PPP3CA: variants seen among roughly 807,000 people sequenced by gnomAD.
The protein encoded by PPP3CA is protein phosphatase 3 catalytic subunit alpha.
A neutral mutation model predicts 66.5 loss-of-function variants in PPP3CA; 14 were observed. The observed-to-expected ratio is 0.21, with a 90% CI of 0.14 to 0.33. The LOEUF is 0.33. PPP3CA is among the 10% of genes least tolerant of loss of function. The pLI is 1.00. For synonymous variants in PPP3CA, 232 were observed against 226.2 expected (o/e 1.03, Z -0.23); for missense variants, 317 against 639.5 (o/e 0.50, Z 5.44).
chr4:101,072,039 T>C (rs923013860), intron 8 of PPP3CA, among the ~76,000 whole-genome samples: 12 of 152,194 alleles, frequency 7.9e-5, no homozygotes, highest in African/African-American at 2.7e-4. Flanking sequence ...AAAACTAACC[T>C]ATTTACAAAG....
intron 2 of PPP3CA, among the ~76,000 whole-genome samples, chr4:101,194,187 C>T (rs559160154): frequency 6.6e-6 from 1 of 151,964 alleles, no homozygotes; most frequent in South Asian, 2.1e-4. Flanking sequence ...TTCTGAATTA[C>T]AAATAAGAAA....
intron 1 of PPP3CA, among the ~76,000 whole-genome samples, chr4:101,210,023 G>A (rs767845969): frequency 1.1e-4 from 17 of 152,074 alleles, no homozygotes; most frequent in South Asian, 2.1e-4. Context: ...AAATTTCATC[G>A]CAATTTTATG....
chr4:101,346,645 T>A, intron 1 of PPP3CA, 94 bp downstream of exon 1: 1 of 1,063,514 alleles, frequency 9.4e-7, no homozygotes, highest in East Asian at 2.7e-5. Flanking sequence ...GAGGAGAACC[T>A]GGGGCGGGGG....
chr4:101,146,610 T>G (rs1722978021), intron 2 of PPP3CA, among the ~76,000 whole-genome samples: 1 of 151,930 alleles, frequency 6.6e-6, no homozygotes, highest in South Asian at 2.1e-4. Flanking sequence ...GCCAGGCTAA[T>G]TTTTGTACTT....
At chr4:101,106,382 AAAG>A (rs1560604690) in intron 3 of PPP3CA, among the ~76,000 whole-genome samples, 164 of 4,042 alleles carry the variant, frequency 0.041, 2 homozygotes, top group African/African-American at 0.096. Flanking sequence ...GAAAAGAAAG[AAAG>A]AAAGAAAGAA....
chr4:101,066,348 T>C (rs1728679955), intron 8 of PPP3CA, among the ~76,000 whole-genome samples: 1 of 152,162 alleles, frequency 6.6e-6, no homozygotes, highest in Admixed American at 6.6e-5. Context: ...AGGTACTTAA[T>C]ATCTTTAAGT....
intron 8 of PPP3CA, among the ~76,000 whole-genome samples, chr4:101,070,184 T>TA (rs1450713361): frequency 3.3e-5 from 5 of 152,148 alleles, no homozygotes; most frequent in Admixed American, 1.3e-4. Context: ...CCCTTTTTTT[T>TA]ATAGTGTTAT....
intron 2 of PPP3CA, among the ~76,000 whole-genome samples, chr4:101,157,826 A>G (rs1397308531): frequency 6.6e-6 from 1 of 151,186 alleles, no homozygotes; most frequent in East Asian, 1.9e-4. Flanking sequence ...TTTATTTCAG[A>G]AAATGCTTTA....
chr4:101,229,042 T>C (rs185690702), intron 1 of PPP3CA, among the ~76,000 whole-genome samples: 127 of 151,816 alleles, frequency 8.4e-4, no homozygotes, highest in Non-Finnish European at 1.2e-3. Context: ...AGTATTATTA[T>C]ATGGGTTTGC....
intron 1 of PPP3CA, among the ~76,000 whole-genome samples, chr4:101,333,270 GTTTTTTTTTTTTTTTTTTT>G (rs70961788): frequency 2.1e-4 from 10 of 47,266 alleles, no homozygotes; most frequent in South Asian, 1.6e-3. Flanking sequence ...ACCATGCCCA[GTTTTTTTTTTTTTTTTTTT>G]TTTTTTTTTT....
chr4:101,102,004 C>G (rs1315531648), intron 3 of PPP3CA, among the ~76,000 whole-genome samples: 1 of 152,164 alleles, frequency 6.6e-6, no homozygotes, highest in Non-Finnish European at 1.5e-5. Flanking sequence ...TAGCATGTGG[C>G]TTTATCCCGT....
At chr4:101,271,787 GA>G (rs1382481460) in intron 1 of PPP3CA, among the ~76,000 whole-genome samples, 7 of 152,204 alleles carry the variant, frequency 4.6e-5, no homozygotes, top group South Asian at 2.1e-4. Context: ...ATATAGTGTA[GA>G]TAAACCACAA....
At chr4:101,338,832 C>A (rs911251318) in intron 1 of PPP3CA, among the ~76,000 whole-genome samples, 11 of 152,170 alleles carry the variant, frequency 7.2e-5, no homozygotes, top group Admixed American at 1.3e-4. Flanking sequence ...ACCAACAATG[C>A]CAGATTTATC....
intron 1 of PPP3CA, among the ~76,000 whole-genome samples, chr4:101,297,172 T>C (rs772683177): frequency 1.3e-5 from 2 of 152,236 alleles, no homozygotes; most frequent in South Asian, 2.1e-4. Context: ...TGAATTTTGA[T>C]TGAGACTGCT....
At chr4:101,335,083 A>G (rs947662692) in intron 1 of PPP3CA, among the ~76,000 whole-genome samples, 3 of 152,074 alleles carry the variant, frequency 2.0e-5, no homozygotes, top group Non-Finnish European at 2.9e-5. Context: ...TTATACGTAG[A>G]TATCTTAAAA....
intron 1 of PPP3CA, among the ~76,000 whole-genome samples, chr4:101,320,519 G>T (rs1333377441): frequency 2.0e-5 from 3 of 151,108 alleles, no homozygotes; most frequent in East Asian, 3.9e-4. Context: ...CACATACACA[G>T]ACAATATGTC....
At chr4:101,180,446 T>C (rs538867631) in intron 2 of PPP3CA, among the ~76,000 whole-genome samples, 64 of 152,284 alleles carry the variant, frequency 4.2e-4, no homozygotes, top group Admixed American at 1.4e-3. Context: ...AGGCCATTTT[T>C]AAAAGGCCTG....
chr4:101,317,369 C>T (rs1377851985), intron 1 of PPP3CA, among the ~76,000 whole-genome samples: 1 of 151,850 alleles, frequency 6.6e-6, no homozygotes, highest in Admixed American at 6.6e-5. Flanking sequence ...ATCAAGACAG[C>T]AAAATGTTTC....
At chr4:101,142,783 C>G (rs1426042933) in intron 2 of PPP3CA, among the ~76,000 whole-genome samples, 1 of 152,156 alleles carries the variant, frequency 6.6e-6, no homozygotes, top group Non-Finnish European at 1.5e-5. Context: ...ACACTGGAAA[C>G]AAACTTGGTA....
Sources: allele counts gnomAD v4.1 joint callset (sites outside exome capture counted in the v4.1 genomes callset), GRCh38; gene constraint gnomAD v4.1.1; transcripts MANE v1.5; gene names NCBI Gene and HGNC (gene_info 2026-07-23, HGNC 2026-07-21).